CALN1: variants seen among roughly 807,000 people sequenced by gnomAD.
The protein encoded by CALN1 is calneuron 1, also known as calcium-binding protein 8.
Under a neutral mutation model 30.6 loss-of-function variants are expected in CALN1, and 17 were observed. The ratio of observed to expected loss-of-function variants is 0.56; its 90% confidence interval spans 0.38 to 0.83. CALN1 has a LOEUF of 0.83. CALN1 is among the 40% of genes least tolerant of loss of function. The probability of loss-of-function intolerance (pLI) is 0.00; values close to 1 mark genes in which losing one functional copy is unlikely to be tolerated. For synonymous variants in CALN1, 156 were observed against 131.4 expected, an observed-to-expected ratio of 1.19 and a Z score of -1.28; for missense variants, 291 against 354.9, an observed-to-expected ratio of 0.82 and a Z score of 1.45.
chr7:72,432,409 A>G (rs1013632762), intron 1 of CALN1, among the ~76,000 whole-genome samples: 2 of 152,162 alleles, frequency 1.3e-5, no homozygotes, highest in African/African-American at 4.8e-5. Flanking sequence ...ACAAGGACCC[A>G]TGGGCAATAT....
At chr7:72,451,209 AAGGAGG>A (rs546106123), upstream of CALN1, among the ~76,000 whole-genome samples, 113 of 126,110 alleles carry the variant, frequency 9.0e-4, 1 homozygote, top group East Asian at 6.6e-3. Flanking sequence ...GAAGAAGAAG[AAGGAGG>A]AGGAGGAGGA....
intron 4 of CALN1, among the ~76,000 whole-genome samples, chr7:72,049,332 G>C (rs534909307): frequency 6.6e-6 from 1 of 152,132 alleles, no homozygotes; most frequent in Non-Finnish European, 1.5e-5. Context: ...AAAAGGATCC[G>C]AGAATACTAG....
intron 1 of CALN1, among the ~76,000 whole-genome samples, chr7:72,406,521 G>C (rs546784602): frequency 6.6e-5 from 10 of 152,222 alleles, no homozygotes; most frequent in African/African-American, 2.4e-4. Context: ...ATCGTCATCT[G>C]AAAGGTCAGC....
chr7:72,050,921 G>A (rs1802791160), intron 4 of CALN1, among the ~76,000 whole-genome samples: 1 of 151,810 alleles, frequency 6.6e-6, no homozygotes, highest in Non-Finnish European at 1.5e-5. Context: ...GAACCCAGGA[G>A]GTGGAGGTTG....
intron 1 of CALN1, among the ~76,000 whole-genome samples, chr7:72,421,714 G>A (rs1807617891): frequency 6.7e-6 from 1 of 150,022 alleles, no homozygotes; most frequent in South Asian, 2.1e-4. Flanking sequence ...AGCCTCCCAA[G>A]TAGCTGGGAC....
At chr7:71,793,037 G>A (rs1306502459) in intron 6 of CALN1, among the ~76,000 whole-genome samples, 3 of 152,122 alleles carry the variant, frequency 2.0e-5, no homozygotes, top group African/African-American at 7.2e-5. Flanking sequence ...GGGTGCGGTG[G>A]CTCACGCCTG....
At chr7:72,232,168 G>A (rs1286213128) in intron 3 of CALN1, among the ~76,000 whole-genome samples, 2 of 152,220 alleles carry the variant, frequency 1.3e-5, no homozygotes, top group Non-Finnish European at 2.9e-5. Flanking sequence ...GGGGAGCAGA[G>A]AGGATGTAGG....
At chr7:72,136,889 T>C (rs778497473) in intron 3 of CALN1, among the ~76,000 whole-genome samples, 3 of 152,198 alleles carry the variant, frequency 2.0e-5, no homozygotes, top group African/African-American at 4.8e-5. Context: ...CCATTTTATA[T>C]AGATGTAGTT....
At chr7:72,456,221 T>G in the CALN1 span, among the ~76,000 whole-genome samples, 1 of 148,924 alleles carries the variant, frequency 6.7e-6, no homozygotes, top group East Asian at 2.0e-4. Flanking sequence ...AGATGTACCA[T>G]TGTAAGAGGG....
chr7:72,160,704 C>T (rs1788044466), intron 3 of CALN1, among the ~76,000 whole-genome samples: 1 of 152,188 alleles, frequency 6.6e-6, no homozygotes, highest in Admixed American at 6.5e-5. Context: ...CAAAGCTCTG[C>T]TATAGTAAGG....
intron 2 of CALN1, among the ~76,000 whole-genome samples, chr7:72,396,075 C>A (rs1805918688): frequency 6.6e-6 from 1 of 151,500 alleles, no homozygotes; most frequent in African/African-American, 2.4e-5. Flanking sequence ...CTGATGGGAG[C>A]AGAGGCTACA....
chr7:72,393,932 AT>A (rs746765384), intron 2 of CALN1, among the ~76,000 whole-genome samples: 1 of 152,048 alleles, frequency 6.6e-6, no homozygotes, highest in Non-Finnish European at 1.5e-5. Context: ...ACTCTTAAAT[AT>A]TTATCAGCAT....
chr7:72,437,784 T>C (rs1175133311), intron 1 of CALN1, among the ~76,000 whole-genome samples: 3 of 137,662 alleles, frequency 2.2e-5, no homozygotes, highest in Non-Finnish European at 4.8e-5. Flanking sequence ...CCTTCCTCCC[T>C]TCCTTCCTTT....
intron 5 of CALN1, among the ~76,000 whole-genome samples, chr7:71,813,384 C>T (rs947691612): frequency 1.3e-5 from 2 of 152,074 alleles, no homozygotes; most frequent in Non-Finnish European, 2.9e-5. Context: ...TAAAGAAATG[C>T]TTTAAGTAAT....
intron 4 of CALN1, among the ~76,000 whole-genome samples, chr7:72,054,452 TATATAC>T (rs1803074287): frequency 1.8e-5 from 2 of 113,652 alleles, no homozygotes; most frequent in African/African-American, 6.6e-5. Flanking sequence ...TATATACATA[TATATAC>T]ATATATATAC....
intron 5 of CALN1, among the ~76,000 whole-genome samples, chr7:71,812,508 T>C (rs933533073): frequency 6.6e-6 from 1 of 152,112 alleles, no homozygotes; most frequent in Non-Finnish European, 1.5e-5. Flanking sequence ...TGGTTTTAGG[T>C]AAAAAGTCTG....
chr7:72,281,966 G>A (rs1316542484), intron 2 of CALN1, among the ~76,000 whole-genome samples: 1 of 152,018 alleles, frequency 6.6e-6, no homozygotes, highest in Non-Finnish European at 1.5e-5. Context: ...TACAAAATTA[G>A]GTACACATTC....
At chr7:72,027,727 A>G (rs1451062087) in intron 4 of CALN1, among the ~76,000 whole-genome samples, 5 of 47,368 alleles carry the variant, frequency 1.1e-4, no homozygotes, top group Non-Finnish European at 3.0e-4. Flanking sequence ...AAACAAACAA[A>G]CACACACACA....
chr7:72,311,734 C>A (rs1020800021), intron 2 of CALN1, among the ~76,000 whole-genome samples: 1 of 137,926 alleles, frequency 7.3e-6, no homozygotes, highest in African/African-American at 2.8e-5. Flanking sequence ...TGAGCTCAAG[C>A]GATCCACCTG....
Sources: gnomAD v4.1 joint callset for allele counts (sites outside exome capture counted in the v4.1 genomes callset) on GRCh38, gnomAD v4.1.1 for gene constraint, MANE v1.5 for transcripts, NCBI Gene and HGNC (gene_info 2026-07-23, HGNC 2026-07-21) for gene names.